GNA12: variants seen among roughly 807,000 people sequenced by gnomAD.
The protein encoded by GNA12 is guanine nucleotide-binding protein subunit alpha-12.
A neutral mutation model predicts 26.0 loss-of-function variants in GNA12; 9 were observed. That is an observed-to-expected ratio of 0.35 (90% CI 0.21 to 0.60). GNA12 has a LOEUF of 0.60. Among genes scored for constraint, GNA12 ranks in the 20% least tolerant of loss-of-function variants. The pLI, the probability that GNA12 is intolerant of heterozygous loss-of-function variation, is 0.78. For missense variants in GNA12, 405 were observed against 525.8 expected (o/e 0.77, Z 2.25); for synonymous variants, 264 against 219.6 (o/e 1.20, Z -1.79).
At chr7:2,737,812 T>A (rs1421528590) in intron 2 of GNA12, among the ~76,000 whole-genome samples, 2 of 152,228 alleles carry the variant, frequency 1.3e-5, no homozygotes, top group Non-Finnish European at 2.9e-5. Flanking sequence ...TTTCATTACT[T>A]AATAAATAAA....
At chr7:2,814,378 G>A (rs1793164791) in intron 1 of GNA12, 10 of 1,576,652 alleles carry the variant, frequency 6.3e-6, no homozygotes, top group Non-Finnish European at 8.7e-6. Flanking sequence ...CATCTGGTGT[G>A]CTTCCCGAAC....
At chr7:2,763,191 A>ACACACACACACACACACACACACAC (rs1791652924) in intron 2 of GNA12, 5 of 216,890 alleles carry the variant, frequency 2.3e-5, no homozygotes, top group African/African-American at 1.4e-4. Flanking sequence ...AAGACACCCC[A>ACACACACACACACACACACACACAC]ACACACACAC....
At chr7:2,746,454 T>C (rs1790767916) in intron 2 of GNA12, among the ~76,000 whole-genome samples, 1 of 152,120 alleles carries the variant, frequency 6.6e-6, no homozygotes, top group African/African-American at 2.4e-5. Flanking sequence ...GAAATAAAGA[T>C]GTTCTTTGAA....
At position 2,741,378 on chromosome 7, in the gene GNA12, A is replaced by G. The variant is rs562773959; in HGVS notation, c.526-7877T>C. ...TCTTAAAAAAAACCCAAAAACCTAA[A>G]TAACAGGGCTAGGGGTGGGGAGAGC... On this transcript the variant is annotated intron_variant, in intron 2 of 3. Transcript: ENST00000275364. 1.8e-3 allele frequency among the ~76,000 whole-genome samples: 274 copies of G among 152,158 alleles called. 2 individuals are homozygous for G. The highest frequency in any genetic ancestry group is 6.0e-3 in the African/African-American group (249 of 41,536).
intron 2 of GNA12, among the ~76,000 whole-genome samples, chr7:2,743,144 TA>T (rs946120204): frequency 2.0e-5 from 3 of 152,208 alleles, no homozygotes; most frequent in African/African-American, 4.8e-5. Flanking sequence ...GTTCTGTGCA[TA>T]AACTTTGCCT....
intron 1 of GNA12, among the ~76,000 whole-genome samples, chr7:2,836,982 C>T (rs1240854365): frequency 1.3e-5 from 2 of 152,134 alleles, no homozygotes; most frequent in South Asian, 2.1e-4. Flanking sequence ...ACATATACCA[C>T]CCACTGAGGT....
intron 2 of GNA12, among the ~76,000 whole-genome samples, chr7:2,753,154 CT>C (rs34424525): frequency 0.12 from 18,092 of 146,978 alleles, 1,160 homozygotes; most frequent in Middle Eastern, 0.2. Flanking sequence ...CAGCATGCGG[CT>C]TTTTTTTTTT....
chr7:2,763,257 A>G (rs1791659810), intron 2 of GNA12: 1 of 344,678 alleles, frequency 2.9e-6, no homozygotes, highest in Non-Finnish European at 4.2e-6. Flanking sequence ...CAGAAAACAC[A>G]TTTGCCTTCC....
At chr7:2,833,809 A>T (rs1382271998) in intron 1 of GNA12, among the ~76,000 whole-genome samples, 3 of 152,148 alleles carry the variant, frequency 2.0e-5, no homozygotes, top group Non-Finnish European at 4.4e-5. Context: ...CATCAAGCCT[A>T]AAGAGGCACT....
chr7:2,731,142 G>T lies in GNA12; in HGVS notation c.*39C>A. ...CCCAAGAGTCTGACCGACAGCCGTGGGGGCTGCTCAACGACGACAAACCCC... is the reference window on the plus strand; with the variant it reads ...CCCAAGAGTCTGACCGACAGCCGTGTGGGCTGCTCAACGACGACAAACCCC... On this transcript the variant is annotated 3_prime_UTR_variant, in exon 4 of 4. Coordinates refer to ENST00000275364, the MANE Select transcript of GNA12 (RefSeq NM_007353.3). The surrounding 1 kb of genome is among the most constrained non-coding windows in gnomAD (Gnocchi z 6.0). The T allele has an allele frequency of 7.1e-7, 1 of 1,401,406 alleles. No homozygotes were observed. The allele number at this position is 1,401,406 out of a possible 1,614,324, so 86.8% of individuals were successfully genotyped here.
intron 2 of GNA12, among the ~76,000 whole-genome samples, chr7:2,739,811 A>T (rs759956516): frequency 5.3e-5 from 8 of 152,120 alleles, no homozygotes; most frequent in African/African-American, 7.2e-5. Flanking sequence ...TAGCTGGATT[A>T]CAGGCGTGCG....
At chr7:2,761,468 A>C (rs1791552257) in intron 2 of GNA12, among the ~76,000 whole-genome samples, 1 of 152,238 alleles carries the variant, frequency 6.6e-6, no homozygotes, top group Non-Finnish European at 1.5e-5. Context: ...ACAAATAAAG[A>C]AGAAAACCAG....
At chr7:2,843,705 G>GGGGT (rs1779074848) in intron 1 of GNA12, 148 bp downstream of exon 1, 1 of 409,454 alleles carries the variant, frequency 2.4e-6, no homozygotes, top group African/African-American at 2.4e-5. Flanking sequence ...GGAATGGGTC[G>GGGGT]GGGGGGAGTG....
chr7:2,792,221 CATGAATGCAGA>C (rs1792538384), intron 2 of GNA12, among the ~76,000 whole-genome samples: 2 of 152,174 alleles, frequency 1.3e-5, no homozygotes, highest in South Asian at 4.1e-4. Context: ...GTAGGTGATC[CATGAATGCAGA>C]ATGAATGAAT....
At chr7:2,815,059 T>C (rs1793185479) in intron 1 of GNA12, 1 of 1,463,240 alleles carries the variant, frequency 6.8e-7, no homozygotes, top group East Asian at 2.5e-5. Flanking sequence ...GCGCCGCCAC[T>C]GTGGCAGGCT....
intron 2 of GNA12, among the ~76,000 whole-genome samples, chr7:2,770,098 A>T (rs1344740529): frequency 6.6e-6 from 1 of 152,226 alleles, no homozygotes; most frequent in Non-Finnish European, 1.5e-5. Flanking sequence ...TGAGGAAAAT[A>T]AAATATATCC....
intron 1 of GNA12, among the ~76,000 whole-genome samples, chr7:2,825,856 C>T (rs1455418870): frequency 6.6e-6 from 1 of 151,668 alleles, no homozygotes; most frequent in African/African-American, 2.4e-5. Context: ...TTCATCCCAG[C>T]ATTCCCACCA....
At chr7:2,792,323 C>A (rs1435976804) in intron 2 of GNA12, among the ~76,000 whole-genome samples, 16 of 152,210 alleles carry the variant, frequency 1.1e-4, no homozygotes, top group African/African-American at 3.6e-4. Flanking sequence ...GATGATGTGG[C>A]CTCAGGCACA....
chr7:2,767,419 A>G (rs538701685), intron 2 of GNA12, among the ~76,000 whole-genome samples: 3 of 152,302 alleles, frequency 2.0e-5, no homozygotes, highest in South Asian at 2.1e-4. Flanking sequence ...TGTATACAGT[A>G]TAAGAGTTGT....
Sources: gnomAD v4.1 joint callset for allele counts (sites outside exome capture counted in the v4.1 genomes callset) on GRCh38, gnomAD v4.1.1 for gene constraint, Gnocchi (gnomAD v3.1) non-coding constraint, MANE v1.5 for transcripts, NCBI Gene and HGNC (gene_info 2026-07-23, HGNC 2026-07-21) for gene names.